Variants in AIF1L observed in about 807,000 individuals in gnomAD.
The protein encoded by AIF1L is allograft inflammatory factor 1-like.
In AIF1L, 12 loss-of-function variants were observed where a neutral mutation model predicts 20.7. The observed-to-expected ratio is 0.58, with a 90% confidence interval of 0.37 to 0.94. The LOEUF (loss-of-function observed/expected upper bound fraction) is 0.94, where lower values mean the gene tolerates loss of function less well. Among genes scored for constraint, AIF1L ranks in the 40% least tolerant of loss-of-function variants. AIF1L has a pLI of 0.01. For missense variants in AIF1L, 173 were observed against 185.3 expected (o/e 0.93, Z 0.39); for synonymous variants, 76 against 65.1 (o/e 1.17, Z -0.81).
chr9:131,096,920 C>A, intron 2 of AIF1L, 57 bp downstream of exon 2: 1 of 1,473,652 alleles, frequency 6.8e-7, no homozygotes. Context: ...GCGCGGGTGC[C>A]ACCTCTCCTT....
chr9:131,096,910 G>A, intron 2 of AIF1L, 47 bp downstream of exon 2: 1 of 1,491,470 alleles, frequency 6.7e-7, no homozygotes, highest in Middle Eastern at 2.0e-4. Context: ...GCCGCGCGCT[G>A]CGCGGGTGCC....
chr9:131,105,647 A>G (rs1479339033), intron 2 of AIF1L, among the ~76,000 whole-genome samples: 1 of 151,992 alleles, frequency 6.6e-6, no homozygotes, highest in Non-Finnish European at 1.5e-5. Context: ...ACTGGGCTGC[A>G]TTTGTCATTT....
intron 2 of AIF1L, among the ~76,000 whole-genome samples, chr9:131,104,806 G>A (rs963335704): frequency 6.6e-6 from 1 of 151,994 alleles, no homozygotes; most frequent in African/African-American, 2.4e-5. Flanking sequence ...GCTGAGATGG[G>A]CGGACTGCTT....
intron 4 of AIF1L, 23 bp from the exon 5 acceptor site, chr9:131,117,733 C>T: frequency 6.3e-7 from 1 of 1,591,232 alleles, no homozygotes; most frequent in Non-Finnish European, 8.6e-7. Context: ...CTCCACTTAA[C>T]AGATCTGCTT....
At chr9:131,104,966 C>CTT (rs5900922) in intron 2 of AIF1L, among the ~76,000 whole-genome samples, 7 of 148,792 alleles carry the variant, frequency 4.7e-5, no homozygotes, top group African/African-American at 1.5e-4. Flanking sequence ...TCCAGTCTGC[C>CTT]TTTTTTTTTT....
Position 131,122,776 on chromosome 9 carries a change from C to T in AIF1L, c.*2454C>T, listed in dbSNP as rs1370550519. On this transcript the variant is annotated 3_prime_UTR_variant, in exon 6 of 6. Transcript: ENST00000247291. ...GAATGGGGGTGGGGGCTCGTGTGTCCTGGGAAACCCCATCAGTCCCTTCAT... is the reference window on the plus strand; with the variant it reads ...GAATGGGGGTGGGGGCTCGTGTGTCTTGGGAAACCCCATCAGTCCCTTCAT... 6.6e-6 allele frequency: 1 copy of T among 152,226 alleles called. No individual in the cohort carries two copies. The highest frequency in any genetic ancestry group is 2.4e-5 in the African/African-American group (1 of 41,428). 9.4% of individuals were successfully genotyped at this position (152,226 alleles called of 1,614,324 possible). A position where few individuals can be genotyped will look rare whatever the true frequency, so the allele number is the denominator to read the frequency against.
rs1387565566 is a variant in AIF1L at position 131,120,491 on chromosome 9, C to T, written c.*169C>T. 1.7e-6 allele frequency: 1 copy of T among 582,858 alleles called. No homozygotes were observed. The highest frequency in any genetic ancestry group is 3.2e-5 in the East Asian group (1 of 31,058). 36.1% of individuals were successfully genotyped at this position (582,858 alleles called of 1,614,324 possible). A position where few individuals can be genotyped will look rare whatever the true frequency, so the allele number is the denominator to read the frequency against. The stretch of plus-strand genomic sequence containing the variant: ...GCACAAATTATCTGCCTTAAAGGGG[C>T]TCTGGGTCGGGGAATCCTGAGCCTT... On this transcript the variant is annotated 3_prime_UTR_variant, in exon 6 of 6. Coordinates refer to ENST00000247291, the MANE Select transcript of AIF1L (RefSeq NM_031426.4).
chr9:131,103,651 A>AAAAC (rs928189266), intron 2 of AIF1L, among the ~76,000 whole-genome samples: 5 of 152,196 alleles, frequency 3.3e-5, no homozygotes, highest in Non-Finnish European at 7.3e-5. Context: ...GACTCAAAAC[A>AAAAC]AAACAAACAA....
chr9:131,107,040 C>G (rs547719802), intron 2 of AIF1L, among the ~76,000 whole-genome samples: 1 of 152,272 alleles, frequency 6.6e-6, no homozygotes, highest in East Asian at 1.9e-4. Context: ...TTGCAGTGAG[C>G]TGAGATCGCG....
chr9:131,101,995 C>A (rs1489206068), intron 2 of AIF1L, among the ~76,000 whole-genome samples: 1 of 152,148 alleles, frequency 6.6e-6, no homozygotes, highest in Admixed American at 6.5e-5. Context: ...CGGCTCACTG[C>A]AACCTCTGCC....
At chr9:131,111,819 C>T (rs1830894544) in intron 3 of AIF1L, 156 bp downstream of exon 3, 1 of 771,660 alleles carries the variant, frequency 1.3e-6, no homozygotes, top group East Asian at 2.6e-5. Flanking sequence ...GACAGGGACC[C>T]CCTGAGAGGT....
chr9:131,120,551 C>A lies in AIF1L; in HGVS notation c.*229C>A, dbSNP rs1198546234. 2.1e-5 allele frequency: 10 copies of A among 484,254 alleles called. No individual in the cohort carries two copies. The highest frequency in any genetic ancestry group is 7.3e-6 in the Non-Finnish European group (2 of 274,232). 30.0% of individuals were successfully genotyped at this position (484,254 alleles called of 1,614,324 possible). On this transcript the variant is annotated 3_prime_UTR_variant, in exon 6 of 6. Transcript: ENST00000247291. ...CCCTCTCTTCTTCCCTCCTTCCCCG[C>A]TCCCTGTGCAGAAGGGCTGACATCA...
intron 2 of AIF1L, among the ~76,000 whole-genome samples, chr9:131,105,249 C>A (rs1830721241): frequency 6.6e-6 from 1 of 152,242 alleles, no homozygotes; most frequent in South Asian, 2.1e-4. Context: ...ATCCCCTACC[C>A]AGGCATGGTC....
At chr9:131,102,841 T>C (rs1267245804) in intron 2 of AIF1L, 1 of 456,086 alleles carries the variant, frequency 2.2e-6, no homozygotes, top group Non-Finnish European at 4.4e-6. Flanking sequence ...CTTCCTGTCC[T>C]TGGAGTTCTT....
Position 131,122,820 on chromosome 9 carries a change from T to C in AIF1L, c.*2498T>C, listed in dbSNP as rs185130748. ...CCTTCATTTCTTGAGACTCAACTCC[T>C]GGGAGGAGAGGGTCTCAAGAGTTGT... On this transcript the variant is annotated 3_prime_UTR_variant, in exon 6 of 6. Transcript: ENST00000247291. 5 of 152,344 alleles carry C rather than the reference T, an allele frequency of 3.3e-5. No homozygotes were observed. The highest frequency in any genetic ancestry group is 2.0e-4 in the Admixed American group (3 of 15,294). The allele number at this position is 152,344 out of a possible 1,614,324, so 9.4% of individuals were successfully genotyped here. A position where few individuals can be genotyped will look rare whatever the true frequency, so the allele number is the denominator to read the frequency against.
At chr9:131,099,261 C>T (rs984000719) in intron 2 of AIF1L, among the ~76,000 whole-genome samples, 2 of 152,172 alleles carry the variant, frequency 1.3e-5, no homozygotes, top group African/African-American at 2.4e-5. Context: ...AGCAGAACCT[C>T]GTCTTCCCCA....
chr9:131,096,720 C>T (rs1830536071), intron 1 of AIF1L, 60 bp downstream of exon 1: 27 of 1,449,518 alleles, frequency 1.9e-5, no homozygotes, highest in Non-Finnish European at 2.3e-5. Context: ...CGGGGTCCAC[C>T]GCGCGCGGGA....
At chr9:131,101,174 G>A (rs1460492682) in intron 2 of AIF1L, among the ~76,000 whole-genome samples, 2 of 152,088 alleles carry the variant, frequency 1.3e-5, no homozygotes, top group South Asian at 2.1e-4. Context: ...GGGATTACAG[G>A]TGTGAACCAC....
Position 131,117,769 on chromosome 9 carries a change from A to G in AIF1L, c.216A>G (p.Leu72=). The change falls in exon 5 of 6, where the codon TTA becomes TTG. Residue 72 remains leucine, a synonymous_variant. Transcript: ENST00000247291. ...NNEGEIDLMS[L]KRMMEKLGVP... Reference sequence around the variant, plus strand: ...TTCCCCCGGCAGACCTGATGTCTTTAAAGAGGATGATGGAGAAGCTTGGTG... The same window carrying G: ...TTCCCCCGGCAGACCTGATGTCTTTGAAGAGGATGATGGAGAAGCTTGGTG... 1.2e-6 allele frequency: 2 copies of G among 1,612,520 alleles called. No homozygotes were observed. Among genetic ancestry groups the G allele is most frequent in the Non-Finnish European group, 1.7e-6 (2 of 1,179,426 alleles).
Sources: allele counts gnomAD v4.1 joint callset (sites outside exome capture counted in the v4.1 genomes callset), GRCh38; gene constraint gnomAD v4.1.1; transcripts MANE v1.5; gene names NCBI Gene and HGNC (gene_info 2026-07-23, HGNC 2026-07-21).